Variants in MAU2 observed in about 807,000 individuals in gnomAD.
The protein encoded by MAU2 is MAU2 sister chromatid cohesion factor.
A neutral mutation model predicts 89.1 loss-of-function variants in MAU2; 9 were observed. The ratio of observed to expected loss-of-function variants is 0.10; its 90% CI spans 0.06 to 0.18. The LOEUF (loss-of-function observed/expected upper bound fraction) is 0.18. Ranked by LOEUF, MAU2 falls within the 10% of genes least tolerant of loss-of-function variation. The pLI, the probability that MAU2 is intolerant of heterozygous loss-of-function variation, is 1.00. For missense variants in MAU2, 425 were observed against 803.5 expected (o/e 0.53, Z 5.69); for synonymous variants, 357 against 343.4 (o/e 1.04, Z -0.44).
chr19:19,336,040 G>A, intron 2 of MAU2, 82 bp from the exon 3 acceptor site: 1 of 999,378 alleles, frequency 1.0e-6, no homozygotes, highest in Non-Finnish European at 1.6e-6. Context: ...GCAGACCTTG[G>A]CAGGGTAGGA....
At chr19:19,355,666 C>A in intron 18 of MAU2, 42 bp from the exon 19 acceptor site, 1 of 1,524,928 alleles carries the variant, frequency 6.6e-7, no homozygotes, top group Non-Finnish European at 9.0e-7. Flanking sequence ...TCCCTGGGAA[C>A]GGTCCACAGT....
rs145105806 is a variant in MAU2 at position 19,323,762 on chromosome 19, G to C, written c.276+2627G>C. ...GCCTCCCAAAGTGCTGGAACTACAG[G>C]CTTGAGCCATTGTGCCCAGCGTGGA... On this transcript the variant is annotated intron_variant, in intron 1 of 18. Coordinates refer to ENST00000262815, the MANE Select transcript of MAU2 (RefSeq NM_015329.4). 6.0e-3 allele frequency among the ~76,000 whole-genome samples: 911 copies of C among 152,288 alleles called. 7 individuals are homozygous for C. The highest frequency in any genetic ancestry group is 8.2e-3 in the Non-Finnish European group (561 of 68,032).
At chr19:19,328,461 G>T (rs1192324557) in intron 1 of MAU2, among the ~76,000 whole-genome samples, 8 of 144,446 alleles carry the variant, frequency 5.5e-5, no homozygotes, top group Non-Finnish European at 7.5e-5. Context: ...TCACTCTGTT[G>T]CCCAGGTTGG....
At chr19:19,347,550 G>A (rs1292771149) in intron 13 of MAU2, 184 bp downstream of exon 13, 2 of 574,006 alleles carry the variant, frequency 3.5e-6, no homozygotes, top group African/African-American at 1.9e-5. Flanking sequence ...ATGGCCGGGG[G>A]AGGCCAGGTC....
chr19:19,349,613 G>A (rs920724043), intron 16 of MAU2, among the ~76,000 whole-genome samples, 177 bp downstream of exon 16: 13 of 152,226 alleles, frequency 8.5e-5, no homozygotes, highest in African/African-American at 3.1e-4. Flanking sequence ...GAGGAGCTGG[G>A]CACCCACAGA....
chr19:19,323,966 G>A (rs1438461721), intron 1 of MAU2, among the ~76,000 whole-genome samples: 1 of 152,208 alleles, frequency 6.6e-6, no homozygotes. Flanking sequence ...TATTGTTTTG[G>A]TGAAGTTTTT....
intron 1 of MAU2, among the ~76,000 whole-genome samples, chr19:19,326,010 T>TC (rs2061501205): frequency 6.7e-6 from 1 of 150,206 alleles, no homozygotes; most frequent in Non-Finnish European, 1.5e-5. Flanking sequence ...TTTTTTTTTT[T>TC]TTTTTTTTGA....
chr19:19,341,556 ACT>A (rs2061647009), intron 7 of MAU2, 149 bp downstream of exon 7: 1 of 973,254 alleles, frequency 1.0e-6, no homozygotes, highest in Admixed American at 2.5e-5. Context: ...GGACACACAC[ACT>A]CCTGTCCTGC....
At chr19:19,328,388 A>G (rs1568650301) in intron 1 of MAU2, among the ~76,000 whole-genome samples, 2 of 151,676 alleles carry the variant, frequency 1.3e-5, no homozygotes, top group South Asian at 4.2e-4. Context: ...CTGTTGAATC[A>G]AGAGAATGTA....
At position 19,355,940 on chromosome 19, in the gene MAU2, G is replaced by A; in HGVS notation, c.*158G>A. Reference sequence around the variant, plus strand: ...GGGGCCAGTCCCTGCCCTCCCAGGAGGGGTGGTAGCCGTTCCCACCTCGCA... The same window carrying A: ...GGGGCCAGTCCCTGCCCTCCCAGGAAGGGTGGTAGCCGTTCCCACCTCGCA... On this transcript the variant is annotated 3_prime_UTR_variant, in exon 19 of 19. Coordinates refer to ENST00000262815, the MANE Select transcript of MAU2 (RefSeq NM_015329.4). 1 of 769,600 alleles carries A rather than the reference G, an allele frequency of 1.3e-6. No homozygotes were observed. Among genetic ancestry groups the A allele is most frequent in the Non-Finnish European group, 2.2e-6 (1 of 446,470 alleles). 47.7% of individuals were successfully genotyped at this position (769,600 alleles called of 1,614,324 possible). A position where few individuals can be genotyped will look rare whatever the true frequency, so the allele number is the denominator to read the frequency against.
intron 16 of MAU2, among the ~76,000 whole-genome samples, chr19:19,350,769 A>T (rs537305870): frequency 6.6e-6 from 1 of 152,006 alleles, no homozygotes; most frequent in South Asian, 2.1e-4. Flanking sequence ...GCATGGTGGC[A>T]GGCGCCTGTA....
In MAU2 at chr19:19,337,315, TG is replaced by T. The variant is rs767135600; in HGVS notation, c.456+54del. On this transcript the variant is annotated intron_variant, in intron 4 of 18. Transcript: ENST00000262815. The stretch of plus-strand genomic sequence containing the variant: ...GGGTGCCCGGCAGGGACCATGACCC[TG>T]GGGCACACCTGCCCCATTTGCAAAG... 3 of 1,452,156 alleles carry T rather than the reference TG, an allele frequency of 2.1e-6. No homozygotes were observed. In the East Asian group the frequency reaches 6.8e-5, roughly 33 times the overall value. 90.0% of individuals were successfully genotyped at this position (1,452,156 alleles called of 1,614,324 possible). A position where few individuals can be genotyped will look rare whatever the true frequency, so the allele number is the denominator to read the frequency against.
intron 1 of MAU2, among the ~76,000 whole-genome samples, chr19:19,332,517 T>C (rs2061564101): frequency 6.6e-6 from 1 of 152,010 alleles, no homozygotes; most frequent in South Asian, 2.1e-4. Context: ...AGAGCATCGC[T>C]AACTCACAGT....
chr19:19,348,543 A>G (rs2061714057), intron 13 of MAU2: 1 of 466,988 alleles, frequency 2.1e-6, no homozygotes, highest in African/African-American at 2.0e-5. Context: ...AATCCCACCC[A>G]CTCACCCCCA....
intron 9 of MAU2, among the ~76,000 whole-genome samples, chr19:19,343,116 AGGT>A (rs1421629614): frequency 9.2e-5 from 14 of 152,216 alleles, no homozygotes; most frequent in Non-Finnish European, 2.9e-5. Flanking sequence ...CAGTTGAAAC[AGGT>A]GGTAGCTGCT....
intron 1 of MAU2, chr19:19,334,623 T>G: frequency 1.0e-6 from 1 of 985,024 alleles, no homozygotes; most frequent in Non-Finnish European, 1.2e-6. Flanking sequence ...TTTCCACCCC[T>G]GACTGAGTCA....
At chr19:19,327,275 C>T (rs1306878175) in intron 1 of MAU2, among the ~76,000 whole-genome samples, 1 of 151,592 alleles carries the variant, frequency 6.6e-6, no homozygotes, top group Non-Finnish European at 1.5e-5. Flanking sequence ...GTGCCTGCCA[C>T]CATGCCAGGC....
chr19:19,322,664 C>T (rs769999702), intron 1 of MAU2, among the ~76,000 whole-genome samples: 11 of 151,400 alleles, frequency 7.3e-5, no homozygotes, highest in Non-Finnish European at 1.5e-4. Context: ...TTTCTCACAG[C>T]AGCGCTGTGA....
chr19:19,342,885 T>C lies in MAU2; in HGVS notation c.973+19T>C. The C allele has an allele frequency of 6.2e-7, 1 of 1,612,100 alleles. No individual in the cohort carries two copies. Among genetic ancestry groups the C allele is most frequent in the Non-Finnish European group, 8.5e-7 (1 of 1,179,198 alleles). On this transcript the variant is annotated intron_variant, in intron 9 of 18. Transcript: ENST00000262815. ...CTCAAGAGTAAGTCAGGTGCTCGGC[T>C]GGCCACATGGCCACAGCGACCCCTG...
Sources: allele counts gnomAD v4.1 joint callset (sites outside exome capture counted in the v4.1 genomes callset), GRCh38; gene constraint gnomAD v4.1.1; transcripts MANE v1.5; gene names NCBI Gene and HGNC (gene_info 2026-07-23, HGNC 2026-07-21).